The following ATP2B2 variants were observed in gnomAD, a reference collection of about 807,000 sequenced individuals.
The protein encoded by ATP2B2 is plasma membrane calcium-transporting ATPase 2.
Under a neutral mutation model 120.0 loss-of-function variants are expected in ATP2B2, and 15 were observed. The ratio of observed to expected loss-of-function variants is 0.12; its 90% CI spans 0.08 to 0.19. The LOEUF is 0.19. Among genes scored for constraint, ATP2B2 ranks in the 10% least tolerant of loss-of-function variants. ATP2B2 has a pLI of 1.00. For synonymous variants in ATP2B2, 694 were observed against 700.3 expected (o/e 0.99, Z 0.14); for missense variants, 1,045 against 1,719.8 (o/e 0.61, Z 6.94).
rs909075295 is a variant in ATP2B2 at position 10,342,397 on chromosome 3, T to G, written c.2917+355A>C. Among the ~76,000 whole-genome samples, 2 of 152,102 alleles carry G rather than the reference T, an allele frequency of 1.3e-5. No homozygotes were observed. Among genetic ancestry groups the G allele is most frequent in the Non-Finnish European group, 2.9e-5 (2 of 67,998 alleles). ...ACGGGGCCAGGATAAGGTGCTGGAATGGGTCAGAGAAGGGGTGAGTCACTC... is the reference window on the plus strand; with the variant it reads ...ACGGGGCCAGGATAAGGTGCTGGAAGGGGTCAGAGAAGGGGTGAGTCACTC... On this transcript the variant is annotated intron_variant, in intron 19 of 22. Transcript: ENST00000360273. The surrounding 1 kb of genome is among the most constrained non-coding windows in gnomAD (Gnocchi z 4.4).
At chr3:10,373,725 T>G (rs563581387) in intron 11 of ATP2B2, among the ~76,000 whole-genome samples, 1 of 152,096 alleles carries the variant, frequency 6.6e-6, no homozygotes, top group Non-Finnish European at 1.5e-5. Context: ...CTAGGAATTT[T>G]TTCTTCTTTT....
At chr3:10,382,733 A>C (rs2061567724) in intron 8 of ATP2B2, among the ~76,000 whole-genome samples, 2 of 152,206 alleles carry the variant, frequency 1.3e-5, no homozygotes, top group Non-Finnish European at 2.9e-5. Context: ...AGTAATGTAA[A>C]AGAAAAATAA....
At chr3:10,509,244 T>C (rs1251028902), upstream of ATP2B2, among the ~76,000 whole-genome samples, 2 of 152,168 alleles carry the variant, frequency 1.3e-5, no homozygotes, top group East Asian at 1.9e-4. Flanking sequence ...GTATGAGACG[T>C]GGGCTCTCTG....
At chr3:10,413,309 A>G (rs1435831517) in intron 2 of ATP2B2, among the ~76,000 whole-genome samples, 3 of 152,202 alleles carry the variant, frequency 2.0e-5, no homozygotes, top group Admixed American at 6.5e-5. Flanking sequence ...CTCCATCAGG[A>G]GCCTCCAAGG....
intron 2 of ATP2B2, among the ~76,000 whole-genome samples, chr3:10,592,450 C>A (rs1443109301): frequency 6.6e-6 from 1 of 152,222 alleles, no homozygotes; most frequent in Non-Finnish European, 1.5e-5. Context: ...AGACTCTGCC[C>A]ATCCCAGGTT....
chr3:10,560,449 G>GAGCCAGGCTTTTCC (rs71268444), intron 2 of ATP2B2, among the ~76,000 whole-genome samples: 48,683 of 151,864 alleles, frequency 0.32, 8,134 homozygotes, highest in South Asian at 0.44. Context: ...CGTCTTCTGA[G>GAGCCAGGCTTTTCC]AGCTGAAAAG....
chr3:10,586,545 T>C (rs1052629993), intron 2 of ATP2B2, among the ~76,000 whole-genome samples: 2 of 152,132 alleles, frequency 1.3e-5, no homozygotes, highest in African/African-American at 4.8e-5. Flanking sequence ...GGAGAAGTGA[T>C]GGGATTTGGC....
chr3:10,411,589 G>A (rs2062613526), intron 2 of ATP2B2, among the ~76,000 whole-genome samples: 1 of 152,210 alleles, frequency 6.6e-6, no homozygotes, highest in Admixed American at 6.5e-5. Context: ...ACCCTCTACT[G>A]TAATGCGGAT....
At position 10,554,839 on chromosome 3, in the gene ATP2B2, C is replaced by T. The variant is rs575796745; in HGVS notation, c.-414-20706G>A. Among the ~76,000 whole-genome samples the T allele has an allele frequency of 2.0e-5, 3 of 152,262 alleles. No individual in the cohort carries two copies. In the South Asian group the frequency reaches 6.2e-4, roughly 32 times the overall value. ...GAATAAAATGATTTACTCAAGGTCC[C>T]AAAGCAAGTAACACAAACAGTGACA... On this transcript the variant is annotated intron_variant, in intron 2 of 21. Transcript: ENST00000646379.
chr3:10,682,245 G>T (rs536329618), intron 1 of ATP2B2, among the ~76,000 whole-genome samples: 1 of 152,138 alleles, frequency 6.6e-6, no homozygotes, highest in African/African-American at 2.4e-5. Flanking sequence ...AATCCTCTTT[G>T]CCCTGATAGC....
At chr3:10,669,803 T>C (rs1011376868) in intron 1 of ATP2B2, among the ~76,000 whole-genome samples, 3 of 152,122 alleles carry the variant, frequency 2.0e-5, no homozygotes, top group Admixed American at 6.5e-5. Flanking sequence ...GCCACACTTA[T>C]GTACTCTGAC....
intron 2 of ATP2B2, among the ~76,000 whole-genome samples, chr3:10,615,817 T>TAAGAA (rs2069370326): frequency 6.6e-6 from 1 of 152,258 alleles, no homozygotes; most frequent in Admixed American, 6.5e-5. Flanking sequence ...TCTAACTCAC[T>TAAGAA]TCTTCTCACT....
At chr3:10,478,341 G>C (rs1421185158) in intron 1 of ATP2B2, among the ~76,000 whole-genome samples, 4 of 152,126 alleles carry the variant, frequency 2.6e-5, no homozygotes, top group African/African-American at 9.7e-5. Flanking sequence ...TCTGTTGATA[G>C]TATCTTTTGA....
chr3:10,499,542 T>C (rs183300955), intron 1 of ATP2B2, among the ~76,000 whole-genome samples: 1 of 152,358 alleles, frequency 6.6e-6, no homozygotes, highest in African/African-American at 2.4e-5. Context: ...ATTTCGGTAC[T>C]TGGCAATTAC....
At chr3:10,555,026 G>A (rs1464329200) in intron 2 of ATP2B2, among the ~76,000 whole-genome samples, 1 of 152,206 alleles carries the variant, frequency 6.6e-6, no homozygotes, top group African/African-American at 2.4e-5. Context: ...GCACAGGCAG[G>A]TCAGAGGCCC....
At chr3:10,602,127 C>T (rs1383996736) in intron 2 of ATP2B2, among the ~76,000 whole-genome samples, 1 of 152,178 alleles carries the variant, frequency 6.6e-6, no homozygotes, top group Non-Finnish European at 1.5e-5. Context: ...TCGGAGCCCC[C>T]TCCCCACTTC....
intron 1 of ATP2B2, among the ~76,000 whole-genome samples, chr3:10,657,917 G>A (rs2070678968): frequency 6.6e-6 from 1 of 152,236 alleles, no homozygotes; most frequent in Non-Finnish European, 1.5e-5. Context: ...GGAACTGTCA[G>A]GCAGCAACAT....
At chr3:10,597,451 G>T (rs2068800288) in intron 2 of ATP2B2, among the ~76,000 whole-genome samples, 1 of 152,202 alleles carries the variant, frequency 6.6e-6, no homozygotes, top group Admixed American at 6.5e-5. Context: ...ACAGGGAGTT[G>T]CAGGCATGGC....
chr3:10,693,260 C>T (rs978611767), intron 1 of ATP2B2, among the ~76,000 whole-genome samples: 14 of 152,308 alleles, frequency 9.2e-5, no homozygotes, highest in African/African-American at 2.9e-4. Context: ...GGATATTCAA[C>T]GCACATTTCA....
Sources: allele counts gnomAD v4.1 joint callset (sites outside exome capture counted in the v4.1 genomes callset), GRCh38; gene constraint gnomAD v4.1.1; non-coding constraint Gnocchi (gnomAD v3.1); transcripts MANE v1.5; gene names NCBI Gene and HGNC (gene_info 2026-07-23, HGNC 2026-07-21).